FNDC3B: variants seen among roughly 807,000 people sequenced by gnomAD.
The protein encoded by FNDC3B is fibronectin type III domain-containing protein 3B.
In FNDC3B, 12 loss-of-function variants were observed where a neutral mutation model predicts 151.5. The ratio of observed to expected loss-of-function variants is 0.08; its 90% CI spans 0.05 to 0.13. FNDC3B has a LOEUF of 0.13. FNDC3B is among the 10% of genes least tolerant of loss of function. FNDC3B has a pLI of 1.00. For missense variants in FNDC3B, 1,214 were observed against 1,505.3 expected, an observed-to-expected ratio of 0.81 and a Z score of 3.20; for synonymous variants, 528 against 549.0, an observed-to-expected ratio of 0.96 and a Z score of 0.54.
intron 9 of FNDC3B, 80 bp from the exon 10 acceptor site, chr3:172,307,283 G>A (rs1731245434): frequency 7.0e-7 from 1 of 1,435,830 alleles, no homozygotes; most frequent in African/African-American, 1.4e-5. Context: ...TCTACAGAAA[G>A]CCTTAGGGTG....
At chr3:172,314,416 C>T (rs1486534372) in intron 11 of FNDC3B, among the ~76,000 whole-genome samples, 1 of 152,220 alleles carries the variant, frequency 6.6e-6, no homozygotes, top group East Asian at 1.9e-4. Flanking sequence ...GCATAGCACT[C>T]TTCCCTGTCT....
At chr3:172,064,256 C>T (rs1428103602) in intron 1 of FNDC3B, among the ~76,000 whole-genome samples, 1 of 152,190 alleles carries the variant, frequency 6.6e-6, no homozygotes, top group Non-Finnish European at 1.5e-5. Context: ...CCTCACCAGA[C>T]ATCTGATTTG....
chr3:172,187,996 G>GTTTT lies in FNDC3B; in HGVS notation c.188-38862_188-38859dup, dbSNP rs35110477. ...TAAATTCCATTTTTATATTTAAGCA[G>GTTTT]TTTTTTTTTTTTTTTTGAGACGGAG... On this transcript the variant is annotated intron_variant, in intron 3 of 25. Coordinates refer to ENST00000415807, the MANE Select transcript of FNDC3B (RefSeq NM_022763.4). Among the ~76,000 whole-genome samples, 10 of 134,652 alleles carry GTTTT rather than the reference G, an allele frequency of 7.4e-5. 1 individual carries two copies. The highest frequency in any genetic ancestry group is 7.4e-5 in the Admixed American group (1 of 13,562). 88.3% of individuals were successfully genotyped at this position (134,652 alleles called of 152,430 possible). A position where few individuals can be genotyped will look rare whatever the true frequency, so the allele number is the denominator to read the frequency against.
intron 3 of FNDC3B, among the ~76,000 whole-genome samples, chr3:172,144,985 C>T (rs536753058): frequency 6.6e-6 from 1 of 151,930 alleles, no homozygotes; most frequent in African/African-American, 2.4e-5. Context: ...GTTGGATAGA[C>T]CCTCCTCCCC....
chr3:172,159,077 G>A (rs1340960850), intron 3 of FNDC3B, among the ~76,000 whole-genome samples: 3 of 152,192 alleles, frequency 2.0e-5, no homozygotes, highest in East Asian at 1.9e-4. Context: ...TCAGGAGTTC[G>A]AGACCAGCTT....
At chr3:172,317,189 CTTTT>C in intron 11 of FNDC3B, 2 of 388,082 alleles carry the variant, frequency 5.2e-6, no homozygotes, top group South Asian at 1.9e-5. Flanking sequence ...TTCTTTTTTT[CTTTT>C]TTTTTTTTGA....
rs1253656963 is a variant in FNDC3B, at chr3:172,143,904, T to C, written c.187+10358T>C. On this transcript the variant is annotated intron_variant, in intron 3 of 25. Coordinates refer to ENST00000415807, the MANE Select transcript of FNDC3B (RefSeq NM_022763.4). ...AGTCTGGTGACAGAGTGAGCCTCCA[T>C]CTCAAAATAAATAAATAAATAAATA... Among the ~76,000 whole-genome samples the C allele has an allele frequency of 2.2e-5, 3 of 134,004 alleles. No individual in the cohort carries two copies. In the East Asian group the frequency reaches 6.3e-4, roughly 28 times the overall value. The allele number at this position is 134,004 out of a possible 152,430, so 87.9% of individuals were successfully genotyped here.
chr3:172,253,421 A>G (rs932141635), intron 6 of FNDC3B, among the ~76,000 whole-genome samples: 5 of 152,204 alleles, frequency 3.3e-5, no homozygotes, highest in East Asian at 1.9e-4. Flanking sequence ...GTGGCTCACA[A>G]TGTTTCAGTT....
intron 4 of FNDC3B, chr3:172,237,607 AAAAT>A (rs1479378612): frequency 3.9e-5 from 6 of 152,224 alleles, no homozygotes; most frequent in Non-Finnish European, 7.3e-5. Flanking sequence ...TTAAAAAAGA[AAAAT>A]AAAGCACCAA....
intron 1 of FNDC3B, among the ~76,000 whole-genome samples, chr3:172,052,127 C>G (rs1387500268): frequency 6.6e-6 from 1 of 151,618 alleles, no homozygotes; most frequent in Non-Finnish European, 1.5e-5. Flanking sequence ...CTCTGCTGCC[C>G]AGGCTGGGGT....
chr3:172,211,216 G>A (rs570978086), intron 3 of FNDC3B, among the ~76,000 whole-genome samples: 21 of 152,324 alleles, frequency 1.4e-4, no homozygotes, highest in Admixed American at 1.3e-3. Flanking sequence ...GTGCTGATTG[G>A]AATACTAAGG....
Position 172,335,000 on chromosome 3 carries a change from G to A in FNDC3B, c.1698G>A (p.Thr566=), listed in dbSNP as rs139505585. The stretch of plus-strand genomic sequence containing the variant: ...GTCCAAGCGAAGTTCTTGTTTGTAC[G>A]ACGAGTCCTGACAGGCCTGGACCTC... ...KSCPSEVLVC[T]TSPDRPGPPT... Residue 566 remains threonine, a synonymous_variant, in exon 15 of 26, where the codon ACG becomes ACA. Coordinates refer to ENST00000415807, the MANE Select transcript of FNDC3B (RefSeq NM_022763.4). 3.0e-3 allele frequency: 4,819 copies of A among 1,613,676 alleles called. 8 individuals carry two copies. Among genetic ancestry groups the A allele is most frequent in the Non-Finnish European group, 3.8e-3 (4,461 of 1,179,812 alleles).
intron 7 of FNDC3B, among the ~76,000 whole-genome samples, chr3:172,295,014 G>C (rs1002267547): frequency 1.3e-5 from 2 of 152,210 alleles, no homozygotes; most frequent in African/African-American, 4.8e-5. Context: ...CTTGAAACCA[G>C]ATCAAAGTAC....
intron 10 of FNDC3B, 133 bp downstream of exon 10, chr3:172,307,634 C>A: frequency 1.2e-6 from 1 of 807,696 alleles, no homozygotes; most frequent in Non-Finnish European, 2.0e-6. Flanking sequence ...TTCAAGGCTG[C>A]AGTGAGCCAT....
At chr3:172,167,625 C>T (rs571440825) in intron 3 of FNDC3B, among the ~76,000 whole-genome samples, 8 of 152,250 alleles carry the variant, frequency 5.3e-5, no homozygotes, top group South Asian at 2.1e-4. Flanking sequence ...TTTCTAAGAC[C>T]GGGGTCCCCA....
intron 9 of FNDC3B, among the ~76,000 whole-genome samples, chr3:172,306,373 T>G (rs1731201256): frequency 6.6e-6 from 1 of 152,206 alleles, no homozygotes; most frequent in Non-Finnish European, 1.5e-5. Context: ...ACTTCATCTC[T>G]GTGTTTCCTT....
intron 6 of FNDC3B, among the ~76,000 whole-genome samples, chr3:172,262,107 A>G (rs1434755793): frequency 6.6e-6 from 1 of 152,244 alleles, no homozygotes; most frequent in Non-Finnish European, 1.5e-5. Flanking sequence ...AACAAGTGGA[A>G]TGAAAGGAGC....
In FNDC3B at chr3:172,244,013, A is replaced by G. The variant is rs532146770; in HGVS notation, c.265-3520A>G. Among the ~76,000 whole-genome samples the G allele has an allele frequency of 2.0e-5, 3 of 152,330 alleles. No individual in the cohort carries two copies. The South Asian group carries it at 6.2e-4, about 32-fold the overall frequency. On this transcript the variant is annotated intron_variant, in intron 4 of 25. Transcript: ENST00000415807. ...GCTGGAAAAAATTTAGATGAAGAAT[A>G]TTTATTCTGATTTCTGAAATCACCA...
intron 17 of FNDC3B, among the ~76,000 whole-genome samples, chr3:172,341,703 T>C (rs993583285): frequency 1.3e-5 from 2 of 152,216 alleles, no homozygotes; most frequent in Non-Finnish European, 2.9e-5. Flanking sequence ...AAAAACAATA[T>C]AAATCCATGA....
Sources: gnomAD v4.1 joint callset for allele counts (sites outside exome capture counted in the v4.1 genomes callset) on GRCh38, gnomAD v4.1.1 for gene constraint, MANE v1.5 for transcripts, NCBI Gene and HGNC (gene_info 2026-07-23, HGNC 2026-07-21) for gene names.